Variants in PDXDC1 observed in about 807,000 individuals in gnomAD.
PDXDC1 encodes pyridoxal dependent decarboxylase domain containing 1.
PDXDC1 carries 42 observed loss-of-function variants against 100.1 expected under a neutral mutation model. The observed-to-expected ratio is 0.42, with a 90% CI of 0.33 to 0.54. PDXDC1 has a LOEUF of 0.54. Ranked by LOEUF, PDXDC1 falls within the 20% of genes least tolerant of loss-of-function variation. The pLI is 0.10. For missense variants in PDXDC1, 636 were observed against 979.2 expected (o/e 0.65, Z 4.68); for synonymous variants, 260 against 371.7 (o/e 0.70, Z 3.46).
intron 16 of PDXDC1, among the ~76,000 whole-genome samples, chr16:15,089,786 C>CAAAAAAAAAAAAAAAAAAAAA (rs142235345): frequency 1.5e-5 from 1 of 66,574 alleles, no homozygotes. Flanking sequence ...GGCGACAGAG[C>CAAAAAAAAAAAAAAAAAAAAA]AAAAAAAAAA....
chr16:14,977,558 G>GT (rs1966983576), intron 1 of PDXDC1, among the ~76,000 whole-genome samples: 1 of 152,272 alleles, frequency 6.6e-6, no homozygotes, highest in African/African-American at 2.4e-5. Context: ...GATTACAGGC[G>GT]TAAGCCACTG....
chr16:15,018,436 G>C (rs892099060), intron 11 of PDXDC1, among the ~76,000 whole-genome samples: 25 of 152,258 alleles, frequency 1.6e-4, no homozygotes, highest in African/African-American at 6.0e-4. Flanking sequence ...TAATAATGTG[G>C]TTCTTGATAA....
At chr16:15,002,161 G>C (rs1449688071) in intron 4 of PDXDC1, among the ~76,000 whole-genome samples, 2 of 152,298 alleles carry the variant, frequency 1.3e-5, no homozygotes, top group Non-Finnish European at 2.9e-5. Context: ...AAGAATTGCT[G>C]TAGTTGTATT....
intron 16 of PDXDC1, among the ~76,000 whole-genome samples, chr16:15,059,540 G>C (rs1057236281): frequency 3.9e-5 from 6 of 152,124 alleles, no homozygotes; most frequent in Non-Finnish European, 8.8e-5. Flanking sequence ...ACGTCAAACA[G>C]CTAGCTAGGA....
intron 16 of PDXDC1, chr16:15,044,548 G>C (rs1400108677): frequency 7.6e-6 from 5 of 658,732 alleles, no homozygotes; most frequent in Admixed American, 7.3e-5. Flanking sequence ...CACCGCAAAA[G>C]AAAGTATCGG....
chr16:15,022,777 T>C, intron 13 of PDXDC1, 23 bp downstream of exon 13: 1 of 1,570,200 alleles, frequency 6.4e-7, no homozygotes, highest in Admixed American at 1.8e-5. Flanking sequence ...AGTTCATCTG[T>C]TTTCAAAATA....
At chr16:15,013,358 A>AG (rs1491360987) in intron 8 of PDXDC1, among the ~76,000 whole-genome samples, 3 of 144,512 alleles carry the variant, frequency 2.1e-5, no homozygotes, top group African/African-American at 7.6e-5. Context: ...CAAAAAAAAA[A>AG]GAAAAAAAAA....
chr16:14,993,803 T>G (rs1371370232), intron 1 of PDXDC1, among the ~76,000 whole-genome samples: 2 of 152,306 alleles, frequency 1.3e-5, no homozygotes, highest in Non-Finnish European at 2.9e-5. Context: ...CTCCAGCACC[T>G]GTTGTTTCCT....
intron 8 of PDXDC1, among the ~76,000 whole-genome samples, chr16:15,014,231 A>T (rs1314537850): frequency 1.3e-5 from 2 of 150,886 alleles, no homozygotes; most frequent in African/African-American, 5.0e-5. Flanking sequence ...AAGACAAAAT[A>T]GAAAAACCAC....
rs756591425 is a variant in PDXDC1, at chr16:15,034,489, C to T, written c.1938C>T (p.Ser646=). The part of the protein sequence containing the change: ...GVLRQIPVVG[S]VLNWFSPVQA... ...TGCGGCAGATCCCTGTAGTGGGCTC[C>T]GTGCTGAATTGGTTTTCTCCGGTCC... The change falls in exon 21 of 23, where the codon TCC becomes TCT. Residue 646 remains serine (S), a synonymous_variant. Transcript: ENST00000396410. The T allele has an allele frequency of 7.7e-5, 125 of 1,614,020 alleles. No homozygotes were observed. Among genetic ancestry groups the T allele is most frequent in the Non-Finnish European group, 9.4e-5 (111 of 1,180,034 alleles).
intron 16 of PDXDC1, chr16:15,060,148 T>TA (rs1412906228): frequency 2.4e-6 from 1 of 411,688 alleles, no homozygotes; most frequent in Admixed American, 2.9e-5. Flanking sequence ...AACAGACTTA[T>TA]ATGTAAATGT....
downstream of PDXDC1, among the ~76,000 whole-genome samples, chr16:15,140,489 G>C (rs1438424291): frequency 1.3e-5 from 2 of 151,078 alleles, no homozygotes; most frequent in Non-Finnish European, 2.9e-5. Flanking sequence ...GAGGGCGAGA[G>C]GGAGGGAGGA....
intron 16 of PDXDC1, chr16:15,127,956 C>G: frequency 6.6e-7 from 1 of 1,520,892 alleles, no homozygotes; most frequent in East Asian, 2.3e-5. Flanking sequence ...CCCTGCCCAA[C>G]CTCCCACGGA....
At chr16:15,133,427 C>T (rs557914017) in intron 16 of PDXDC1, 12 of 1,018,960 alleles carry the variant, frequency 1.2e-5, no homozygotes, top group African/African-American at 4.8e-5. Flanking sequence ...CAGAGACCTA[C>T]GAGCAGAGGG....
chr16:15,093,687 G>A (rs535019743), intron 16 of PDXDC1, among the ~76,000 whole-genome samples: 4 of 152,324 alleles, frequency 2.6e-5, no homozygotes, highest in South Asian at 4.1e-4. Context: ...GGGGGTTAGG[G>A]ATTTTAAAAG....
At chr16:15,097,056 G>C (rs1433965857) in intron 16 of PDXDC1, among the ~76,000 whole-genome samples, 1 of 152,054 alleles carries the variant, frequency 6.6e-6, no homozygotes, top group African/African-American at 2.4e-5. Context: ...GAAGCCAGGA[G>C]TTTGAGACCA....
intron 16 of PDXDC1, chr16:15,083,679 A>G (rs2045796303): frequency 1.3e-6 from 2 of 1,532,368 alleles, no homozygotes. Flanking sequence ...ATTGATAGAC[A>G]TAGGAGGCAA....
At chr16:15,052,165 T>C (rs191263251) in intron 16 of PDXDC1, among the ~76,000 whole-genome samples, 57 of 152,342 alleles carry the variant, frequency 3.7e-4, no homozygotes, top group Admixed American at 5.2e-4. Context: ...TCTGTCACAA[T>C]TGCTCAACTC....
chr16:15,014,335 C>A (rs2041616508), intron 8 of PDXDC1, among the ~76,000 whole-genome samples: 1 of 152,274 alleles, frequency 6.6e-6, no homozygotes, highest in Non-Finnish European at 1.5e-5. Flanking sequence ...ACATGATAAA[C>A]TGGAGGGGCT....
Sources: gnomAD v4.1 joint callset for allele counts (sites outside exome capture counted in the v4.1 genomes callset) on GRCh38, gnomAD v4.1.1 for gene constraint, MANE v1.5 for transcripts, NCBI Gene and HGNC (gene_info 2026-07-23, HGNC 2026-07-21) for gene names.